CNKSR2: variants seen among roughly 807,000 people sequenced by gnomAD.
The protein encoded by CNKSR2 is connector enhancer of kinase suppressor of Ras 2, also known as CNK homolog protein 2.
Under a neutral mutation model 84.4 loss-of-function variants are expected in CNKSR2, and 14 were observed. That is an observed-to-expected ratio of 0.17 (90% CI 0.11 to 0.26). The LOEUF is 0.26. Among genes scored for constraint, CNKSR2 ranks in the 10% least tolerant of loss-of-function variants. The pLI is 1.00. For synonymous variants in CNKSR2, 275 were observed against 277.9 expected, an observed-to-expected ratio of 0.99 and a Z score of 0.10; for missense variants, 485 against 771.2, an observed-to-expected ratio of 0.63 and a Z score of 4.40.
chrX:21,558,552 TA>T lies in CNKSR2; in HGVS notation c.1304-2908del, dbSNP rs770074536. On this transcript the variant is annotated intron_variant, in intron 11 of 21. Coordinates refer to ENST00000379510, the MANE Select transcript of CNKSR2 (RefSeq NM_014927.5). ...TTAGTAATATACAGTATAATTCTGT[TA>T]AAAAAAAAAAGTCACCCCCGGAAAA... 4.2e-3 allele frequency among the ~76,000 whole-genome samples: 425 copies of T among 102,034 alleles called. 4 individuals carry two copies. The highest frequency in any genetic ancestry group is 7.8e-3 in the African/African-American group (222 of 28,503). 88.6% of individuals were successfully genotyped at this position (102,034 alleles called of 115,157 possible).
chrX:21,450,793 A>G (rs1191695451), intron 4 of CNKSR2, among the ~76,000 whole-genome samples: 1 of 111,746 alleles, frequency 8.9e-6, no homozygotes, highest in Non-Finnish European at 1.9e-5. Flanking sequence ...GAGACTTTCT[A>G]TTACAAAGAA....
intron 11 of CNKSR2, among the ~76,000 whole-genome samples, chrX:21,549,441 C>T (rs1206685634): frequency 4.5e-5 from 5 of 111,899 alleles, no homozygotes; most frequent in Non-Finnish European, 7.5e-5. Context: ...AAAGACATTC[C>T]ATGCTCATGG....
intron 17 of CNKSR2, among the ~76,000 whole-genome samples, chrX:21,595,974 C>G (rs930687517): frequency 1.8e-5 from 2 of 111,444 alleles, no homozygotes; most frequent in Admixed American, 9.6e-5. Flanking sequence ...GAATTTTGTG[C>G]TTTCTTCCTT....
chrX:21,640,998 C>A (rs746333755), intron 20 of CNKSR2, among the ~76,000 whole-genome samples: 1 of 111,903 alleles, frequency 8.9e-6, no homozygotes, highest in Non-Finnish European at 1.9e-5. Flanking sequence ...GCAATACTAG[C>A]TAGGCTGTTC....
chrX:21,486,134 TTAAAA>T (rs1238700879), intron 5 of CNKSR2, among the ~76,000 whole-genome samples: 5 of 111,502 alleles, frequency 4.5e-5, no homozygotes, highest in Admixed American at 2.9e-4. Context: ...AAAAATAAAA[TTAAAA>T]TAAAATAAAA....
chrX:21,440,850 C>G (rs2090773679), intron 4 of CNKSR2, 69 bp downstream of exon 4: 1 of 632,703 alleles, frequency 1.6e-6, no homozygotes, highest in African/African-American at 2.3e-5. Context: ...GGGAAGTATC[C>G]TATGTACCAA....
Position 21,654,287 on chromosome X carries a change from A to AAC in CNKSR2, c.*1767_*1768insCA, listed in dbSNP as rs1379806330. On this transcript the variant is annotated 3_prime_UTR_variant, in exon 22 of 22. Transcript: ENST00000379510. The stretch of plus-strand genomic sequence containing the variant: ...TTTGTATATGTAAAAAAAAAAAAAA[A>AAC]AAAAAAACAAAAAACCTCTTGTCCT... The AAC allele has an allele frequency of 2.8e-5, 3 of 106,416 alleles. No individual in the cohort carries two copies. The highest frequency in any genetic ancestry group is 5.8e-5 in the Non-Finnish European group (3 of 51,745). The allele number at this position is 106,416 out of a possible 1,213,427, so 8.8% of individuals were successfully genotyped here.
chrX:21,450,150 G>A (rs1413207527), intron 4 of CNKSR2, among the ~76,000 whole-genome samples: 1 of 110,854 alleles, frequency 9.0e-6, no homozygotes, highest in Non-Finnish European at 1.9e-5. Flanking sequence ...TGACTGGTAG[G>A]TTTCAGTGGG....
intron 5 of CNKSR2, among the ~76,000 whole-genome samples, chrX:21,480,010 G>GA (rs772548870): frequency 1.2e-4 from 13 of 111,042 alleles, no homozygotes; most frequent in African/African-American, 2.3e-4. Flanking sequence ...ACAGGAACAA[G>GA]AAAAAAATAA....
chrX:21,385,342 T>A (rs2089953198), intron 1 of CNKSR2, among the ~76,000 whole-genome samples: 1 of 112,126 alleles, frequency 8.9e-6, no homozygotes, highest in Non-Finnish European at 1.9e-5. Flanking sequence ...TTTTCTGTTG[T>A]GGTATACTTA....
intron 1 of CNKSR2, among the ~76,000 whole-genome samples, chrX:21,409,378 T>C (rs1333786293): frequency 2.9e-5 from 3 of 103,717 alleles, no homozygotes; most frequent in Non-Finnish European, 5.9e-5. Context: ...TTTTTGCTCC[T>C]TCCTTTCTGA....
intron 1 of CNKSR2, among the ~76,000 whole-genome samples, chrX:21,387,722 T>C: frequency 9.0e-6 from 1 of 111,173 alleles, no homozygotes. Context: ...ACAGATGTTA[T>C]GTAATATCTC....
In CNKSR2 at chrX:21,609,174, C is replaced by G. The variant is rs1408755358; in HGVS notation, c.2249C>G (p.Thr750Ser). The G allele has an allele frequency of 1.7e-6, 2 of 1,211,080 alleles. No individual in the cohort carries two copies. Among genetic ancestry groups the G allele is most frequent in the Non-Finnish European group, 2.2e-6 (2 of 894,796 alleles). The stretch of plus-strand genomic sequence containing the variant: ...CATGAGGAGTTTCGCCAGGAAGTAA[C>G]TGGGAGCAGTGCAGTGTCTCCCATT... ...SSHEEFRQEV[T>S]GSSAVSPIRK... The change falls in exon 20 of 22, where the codon ACT (threonine) becomes AGT (serine). Residue 750 changes from threonine (T) to serine (S), a missense_variant. Around this residue, in one of 5 missense-constraint regions of CNKSR2, gnomAD observed 210 missense variants for 291.5 expected, o/e 0.72. Coordinates refer to ENST00000379510, the MANE Select transcript of CNKSR2 (RefSeq NM_014927.5).
chrX:21,501,472 G>A (rs2091559161), intron 7 of CNKSR2, 48 bp from the exon 8 acceptor site: 1 of 795,130 alleles, frequency 1.3e-6, no homozygotes, highest in Middle Eastern at 3.4e-4. Context: ...GACAGGAAAT[G>A]ACTGATAAAA....
chrX:21,636,620 G>T (rs1223252529), intron 20 of CNKSR2, among the ~76,000 whole-genome samples: 1 of 110,849 alleles, frequency 9.0e-6, no homozygotes, highest in East Asian at 2.8e-4. Context: ...AACATCTCCT[G>T]AAATATTTAA....
chrX:21,393,178 A>G (rs746380969), intron 1 of CNKSR2, among the ~76,000 whole-genome samples: 1 of 112,488 alleles, frequency 8.9e-6, no homozygotes, highest in East Asian at 2.8e-4. Context: ...TGAATGTCTT[A>G]AAAGTGTTGC....
chrX:21,592,274 C>G (rs1200571038), intron 15 of CNKSR2: 1 of 111,507 alleles, frequency 9.0e-6, no homozygotes, highest in African/African-American at 3.3e-5. Flanking sequence ...CTGGCACATA[C>G]TGAGTGTTCA....
At chrX:21,410,271 AT>A (rs1257436641) in intron 1 of CNKSR2, among the ~76,000 whole-genome samples, 1 of 111,426 alleles carries the variant, frequency 9.0e-6, no homozygotes, top group Non-Finnish European at 1.9e-5. Context: ...TGCACATAAA[AT>A]TTAAGAAGCA....
chrX:21,615,310 A>G (rs1239681269), intron 20 of CNKSR2, among the ~76,000 whole-genome samples: 1 of 112,311 alleles, frequency 8.9e-6, no homozygotes, highest in African/African-American at 3.2e-5. Context: ...TGTAACCCTG[A>G]AAATGTAGCA....
Sources: gnomAD v4.1 joint callset for allele counts (sites outside exome capture counted in the v4.1 genomes callset) on GRCh38, gnomAD v4.1.1 for gene constraint, gnomAD v4.1.1 regional missense constraint, MANE v1.5 for transcripts, NCBI Gene and HGNC (gene_info 2026-07-23, HGNC 2026-07-21) for gene names.